The following B3GALT1 variants were observed in gnomAD, a reference collection of about 807,000 sequenced individuals.
B3GALT1 encodes the protein UDP-Gal:betaGlcNAc beta 1,3-galactosyltransferase, polypeptide 1.
B3GALT1 carries 10 observed loss-of-function variants against 23.2 expected under a neutral mutation model. That is an observed-to-expected ratio of 0.43 (90% CI 0.27 to 0.73). The LOEUF (loss-of-function observed/expected upper bound fraction) is 0.73, where lower values mean the gene tolerates loss of function less well. Among genes scored for constraint, B3GALT1 ranks in the 30% least tolerant of loss-of-function variants. The pLI, the probability that B3GALT1 is intolerant of heterozygous loss-of-function variation, is 0.21. For missense variants in B3GALT1, 299 were observed against 405.4 expected, an observed-to-expected ratio of 0.74 and a Z score of 2.25; for synonymous variants, 156 against 141.5, an observed-to-expected ratio of 1.10 and a Z score of -0.73.
intron 1 of B3GALT1, among the ~76,000 whole-genome samples, chr2:167,443,867 C>T (rs551684760): frequency 2.4e-4 from 36 of 152,198 alleles, no homozygotes; most frequent in African/African-American, 8.7e-4. Context: ...CTTTCTTTCT[C>T]CTGCCTGATT....
intron 1 of B3GALT1, among the ~76,000 whole-genome samples, chr2:167,311,484 T>C (rs1696633054): frequency 6.6e-6 from 1 of 152,052 alleles, no homozygotes; most frequent in Non-Finnish European, 1.5e-5. Context: ...CTTTTGTAAT[T>C]TTTAAAATTT....
At chr2:167,851,830 GTCT>G (rs1689907842) in intron 4 of B3GALT1, among the ~76,000 whole-genome samples, 1 of 152,158 alleles carries the variant, frequency 6.6e-6, no homozygotes, top group Non-Finnish European at 1.5e-5. Flanking sequence ...TTCTCTACTA[GTCT>G]TCTGAGACTG....
At chr2:167,691,620 A>G (rs2105501650) in intron 3 of B3GALT1, among the ~76,000 whole-genome samples, 1 of 152,308 alleles carries the variant, frequency 6.6e-6, no homozygotes, top group South Asian at 2.1e-4. Context: ...TCTCTGCTGT[A>G]TCACCAGCAC....
chr2:167,521,409 A>G (rs753816975), intron 2 of B3GALT1, among the ~76,000 whole-genome samples: 2 of 152,102 alleles, frequency 1.3e-5, no homozygotes, highest in African/African-American at 4.8e-5. Context: ...ATTTTCTATC[A>G]GTTTTTTTAA....
intron 2 of B3GALT1, among the ~76,000 whole-genome samples, chr2:167,608,698 C>A (rs1011268790): frequency 1.3e-5 from 2 of 152,144 alleles, no homozygotes; most frequent in African/African-American, 4.8e-5. Flanking sequence ...ACACTGTTGA[C>A]ATGATGGAAA....
intron 3 of B3GALT1, among the ~76,000 whole-genome samples, chr2:167,813,283 G>A (rs1464725213): frequency 6.6e-6 from 1 of 152,206 alleles, no homozygotes; most frequent in Non-Finnish European, 1.5e-5. Context: ...GAGCTGTGAT[G>A]TATAAGACAG....
At chr2:167,716,721 G>A (rs907055328) in intron 3 of B3GALT1, among the ~76,000 whole-genome samples, 22 of 152,224 alleles carry the variant, frequency 1.4e-4, no homozygotes, top group African/African-American at 5.3e-4. Context: ...TTTGTTTTCT[G>A]TATCAATTCT....
At chr2:167,435,593 T>G (rs899838070) in intron 1 of B3GALT1, among the ~76,000 whole-genome samples, 2 of 152,050 alleles carry the variant, frequency 1.3e-5, no homozygotes, top group South Asian at 4.1e-4. Flanking sequence ...TTTTGCAGTC[T>G]TACTCTACCT....
At chr2:167,654,539 A>G (rs1472004485) in intron 3 of B3GALT1, among the ~76,000 whole-genome samples, 2 of 151,980 alleles carry the variant, frequency 1.3e-5, no homozygotes, top group Non-Finnish European at 2.9e-5. Flanking sequence ...TCACTGTGCC[A>G]CTCAGGCTGG....
intron 3 of B3GALT1, among the ~76,000 whole-genome samples, chr2:167,667,133 T>G (rs1027145148): frequency 1.3e-5 from 2 of 152,176 alleles, no homozygotes; most frequent in African/African-American, 2.4e-5. Context: ...GGAGCTCTTT[T>G]AGGGCAGGCC....
intron 1 of B3GALT1, among the ~76,000 whole-genome samples, chr2:167,337,941 T>C (rs1356686744): frequency 6.6e-6 from 1 of 152,166 alleles, no homozygotes; most frequent in Non-Finnish European, 1.5e-5. Flanking sequence ...TTCTGGAGTA[T>C]ATATTGCCTT....
chr2:167,661,438 G>T (rs1034210560), intron 3 of B3GALT1, among the ~76,000 whole-genome samples: 2 of 152,016 alleles, frequency 1.3e-5, no homozygotes, highest in Non-Finnish European at 2.9e-5. Flanking sequence ...AATTCTGCCT[G>T]CTTAGAATGG....
intron 3 of B3GALT1, among the ~76,000 whole-genome samples, chr2:167,685,627 T>G (rs1367209066): frequency 6.6e-6 from 1 of 152,000 alleles, no homozygotes; most frequent in African/African-American, 2.4e-5. Flanking sequence ...AGGTAGAGAA[T>G]AGAGAGTGAT....
chr2:167,745,502 G>A lies in B3GALT1; in HGVS notation c.-351-73170G>A, dbSNP rs1687639433. Among the ~76,000 whole-genome samples, 3 of 152,080 alleles carry A rather than the reference G, an allele frequency of 2.0e-5. No individual in the cohort carries two copies. In the South Asian group the frequency reaches 6.2e-4, roughly 32 times the overall value. ...TGCCTATTAGAAACTCCATTTTGTT[G>A]TTTGCTTATTTTTAATGTAAATGCC... On this transcript the variant is annotated intron_variant, in intron 3 of 4. Transcript: ENST00000392690.
chr2:167,538,897 G>GA (rs565147635), intron 2 of B3GALT1, among the ~76,000 whole-genome samples: 45 of 149,742 alleles, frequency 3.0e-4, no homozygotes, highest in South Asian at 2.5e-3. Context: ...TTAAAAATGT[G>GA]AAAAAAAAAG....
At chr2:167,601,339 G>A (rs1001802357) in intron 2 of B3GALT1, among the ~76,000 whole-genome samples, 8 of 152,222 alleles carry the variant, frequency 5.3e-5, no homozygotes, top group African/African-American at 1.2e-4. Flanking sequence ...GAGCCACCAC[G>A]CCCAGCCTAG....
intron 3 of B3GALT1, among the ~76,000 whole-genome samples, chr2:167,652,500 C>A (rs1198507565): frequency 2.6e-5 from 4 of 152,190 alleles, no homozygotes; most frequent in Non-Finnish European, 4.4e-5. Context: ...TACTTTTATT[C>A]TGAAGTATGT....
intron 1 of B3GALT1, among the ~76,000 whole-genome samples, chr2:167,415,145 T>C (rs926713908): frequency 5.3e-5 from 8 of 152,160 alleles, no homozygotes; most frequent in Non-Finnish European, 8.8e-5. Context: ...TTAATCCCCA[T>C]TGTGGCAGTA....
chr2:167,715,020 C>G, intron 3 of B3GALT1: 1 of 1,611,658 alleles, frequency 6.2e-7, no homozygotes, highest in Non-Finnish European at 8.5e-7. Context: ...TCGGTAAGCT[C>G]TTCCTTTGTT....
Sources: allele counts gnomAD v4.1 joint callset (sites outside exome capture counted in the v4.1 genomes callset), GRCh38; gene constraint gnomAD v4.1.1; transcripts MANE v1.5; gene names NCBI Gene and HGNC (gene_info 2026-07-23, HGNC 2026-07-21).